Variants in SAMD3 observed in about 807,000 individuals in gnomAD.
SAMD3 encodes sterile alpha motif domain-containing protein 3.
A neutral mutation model predicts 58.5 loss-of-function variants in SAMD3; 63 were observed. That is an observed-to-expected ratio of 1.08 (90% CI 0.88 to 1.33). The LOEUF (loss-of-function observed/expected upper bound fraction) is 1.33. Ranked by LOEUF, SAMD3 falls within the 40% of genes most tolerant of loss-of-function variation. The pLI, the probability that SAMD3 is intolerant of heterozygous loss-of-function variation, is 0.00. For missense variants in SAMD3, 604 were observed against 608.4 expected, an observed-to-expected ratio of 0.99 and a Z score of 0.08; for synonymous variants, 220 against 210.3, an observed-to-expected ratio of 1.05 and a Z score of -0.40.
intron 2 of SAMD3, among the ~76,000 whole-genome samples, chr6:130,292,621 GT>G (rs991431004): frequency 1.5e-5 from 2 of 134,288 alleles, no homozygotes; most frequent in African/African-American, 5.5e-5. Flanking sequence ...TGTTTGTTTT[GT>G]TTTGTTTTGT....
chr6:130,283,243 G>T (rs573112074), intron 2 of SAMD3, among the ~76,000 whole-genome samples: 23 of 152,216 alleles, frequency 1.5e-4, no homozygotes, highest in Non-Finnish European at 2.8e-4. Flanking sequence ...ACAGGTAGGA[G>T]AAATTAACAG....
chr6:130,277,067 A>G (rs1774801315), intron 2 of SAMD3, among the ~76,000 whole-genome samples: 2 of 152,184 alleles, frequency 1.3e-5, no homozygotes, highest in African/African-American at 4.8e-5. Context: ...ATTGAGAAAG[A>G]CAAAAATCTT....
upstream of SAMD3, among the ~76,000 whole-genome samples, chr6:130,224,592 T>TTTATTA (rs147379974): frequency 0.033 from 4,767 of 143,834 alleles, 121 homozygotes; most frequent in South Asian, 0.048. Context: ...ACTCTATTTA[T>TTTATTA]TTATTATTAT....
chr6:130,330,445 G>T (rs374263756), intron 1 of SAMD3, among the ~76,000 whole-genome samples: 1 of 152,254 alleles, frequency 6.6e-6, no homozygotes, highest in South Asian at 2.1e-4. Flanking sequence ...ACCTCAAAGC[G>T]TAGTGAGATT....
At chr6:130,237,726 CG>C (rs1773215238) in intron 2 of SAMD3, among the ~76,000 whole-genome samples, 4 of 151,984 alleles carry the variant, frequency 2.6e-5, no homozygotes. Flanking sequence ...TCAAACTACT[CG>C]TAAGTGTCTT....
intron 1 of SAMD3, among the ~76,000 whole-genome samples, chr6:130,359,948 G>A (rs576172027): frequency 6.6e-6 from 1 of 152,294 alleles, no homozygotes; most frequent in South Asian, 2.1e-4. Flanking sequence ...CTAGGAATAG[G>A]AAGATCCAGT....
intron 1 of SAMD3, among the ~76,000 whole-genome samples, chr6:130,221,066 G>A (rs1482900159): frequency 2.6e-5 from 4 of 152,074 alleles, no homozygotes; most frequent in African/African-American, 4.8e-5. Flanking sequence ...GTGTTAGCCA[G>A]GATGGTCTCG....
intron 2 of SAMD3, among the ~76,000 whole-genome samples, chr6:130,245,255 G>T (rs1346819595): frequency 6.6e-6 from 1 of 152,230 alleles, no homozygotes. Flanking sequence ...AAAATACACT[G>T]TGATCAGAAA....
downstream of SAMD3, chr6:130,143,176 TG>T (rs1393724836): frequency 6.6e-6 from 1 of 152,248 alleles, no homozygotes; most frequent in African/African-American, 2.4e-5. Flanking sequence ...ATAAATATTT[TG>T]CAGTTATTTC....
intron 2 of SAMD3, among the ~76,000 whole-genome samples, chr6:130,230,905 A>G (rs1243916470): frequency 6.6e-6 from 1 of 152,190 alleles, no homozygotes; most frequent in Non-Finnish European, 1.5e-5. Context: ...CTTACACCTG[A>G]AAACTTCTGA....
chr6:130,254,340 C>T (rs1385309547), intron 2 of SAMD3, among the ~76,000 whole-genome samples: 1 of 151,636 alleles, frequency 6.6e-6, no homozygotes, highest in African/African-American at 2.4e-5. Context: ...ATTACAGGTG[C>T]CCTGCCACCA....
chr6:130,344,395 T>C (rs1777375937), intron 1 of SAMD3, among the ~76,000 whole-genome samples: 1 of 152,192 alleles, frequency 6.6e-6, no homozygotes, highest in African/African-American at 2.4e-5. Flanking sequence ...CTTCTTTTTT[T>C]ACGGGGGACA....
chr6:130,277,975 A>G (rs1774840672), intron 2 of SAMD3, among the ~76,000 whole-genome samples: 1 of 152,210 alleles, frequency 6.6e-6, no homozygotes, highest in Non-Finnish European at 1.5e-5. Context: ...TGTAGGACTA[A>G]CAAAGTAGCC....
chr6:130,322,908 G>A (rs1583104742), intron 1 of SAMD3, among the ~76,000 whole-genome samples: 1 of 152,136 alleles, frequency 6.6e-6, no homozygotes, highest in Non-Finnish European at 1.5e-5. Context: ...ACAGAAAATG[G>A]AATAGGCTTG....
intron 1 of SAMD3, among the ~76,000 whole-genome samples, chr6:130,349,964 C>T (rs898587916): frequency 6.6e-5 from 10 of 152,122 alleles, no homozygotes; most frequent in Middle Eastern, 3.2e-3. Flanking sequence ...GAACCAAAGA[C>T]CAAAACCACA....
chr6:130,300,480 A>T (rs1775709340), intron 2 of SAMD3, among the ~76,000 whole-genome samples: 1 of 152,172 alleles, frequency 6.6e-6, no homozygotes, highest in Non-Finnish European at 1.5e-5. Context: ...ATCTCAAAAT[A>T]ATAAGAGCCA....
At chr6:130,272,860 C>T (rs1009281361) in intron 2 of SAMD3, among the ~76,000 whole-genome samples, 13 of 152,094 alleles carry the variant, frequency 8.5e-5, no homozygotes, top group African/African-American at 2.9e-4. Context: ...GAACTTTTAA[C>T]GATGGCCTAC....
chr6:130,300,942 G>T (rs1775725662), intron 2 of SAMD3, among the ~76,000 whole-genome samples: 1 of 152,018 alleles, frequency 6.6e-6, no homozygotes. Flanking sequence ...TTTACATTAG[G>T]TATTTCACCT....
chr6:130,158,394 G>C (rs1464880739), intron 8 of SAMD3, among the ~76,000 whole-genome samples: 1 of 151,998 alleles, frequency 6.6e-6, no homozygotes, highest in African/African-American at 2.4e-5. Context: ...TCTAGACACA[G>C]AGCCATGGAA....
Sources: gnomAD v4.1 joint callset for allele counts (sites outside exome capture counted in the v4.1 genomes callset) on GRCh38, gnomAD v4.1.1 for gene constraint, MANE v1.5 for transcripts, NCBI Gene and HGNC (gene_info 2026-07-23, HGNC 2026-07-21) for gene names.